Variants in PARD6G observed in about 807,000 individuals in gnomAD.
The protein encoded by PARD6G is partitioning defective 6 homolog gamma.
Under a neutral mutation model 10.7 loss-of-function variants are expected in PARD6G, and 7 were observed. The ratio of observed to expected loss-of-function variants is 0.66; its 90% confidence interval spans 0.37 to 1.23. PARD6G has a LOEUF of 1.23. Ranked by LOEUF, PARD6G falls within the 50% of genes most tolerant of loss-of-function variation. The pLI is 0.02. For synonymous variants in PARD6G, 287 were observed against 269.4 expected (o/e 1.07, Z -0.64); for missense variants, 548 against 571.8 (o/e 0.96, Z 0.42).
intron 1 of PARD6G, among the ~76,000 whole-genome samples, chr18:80,236,614 G>A (rs1000117690): frequency 2.0e-5 from 3 of 152,286 alleles, no homozygotes; most frequent in Non-Finnish European, 4.4e-5. Flanking sequence ...CATCGTCTCA[G>A]CCCAAAATCT....
intron 2 of PARD6G, among the ~76,000 whole-genome samples, chr18:80,172,670 C>T (rs34999032): frequency 0.21 from 31,885 of 152,142 alleles, 4,450 homozygotes; most frequent in African/African-American, 0.4. Flanking sequence ...CAGACATGCA[C>T]CACCATGCCC....
At chr18:80,211,813 T>A (rs1002616459) in intron 1 of PARD6G, among the ~76,000 whole-genome samples, 4 of 152,136 alleles carry the variant, frequency 2.6e-5, no homozygotes, top group African/African-American at 9.7e-5. Context: ...AGAAGGACAA[T>A]ACTGTATGAT....
At position 80,201,236 on chromosome 18, in the gene PARD6G, C is replaced by T. The variant is rs1568435876; in HGVS notation, c.295+1474G>A. On this transcript the variant is annotated intron_variant, in intron 2 of 2. Coordinates refer to ENST00000353265, the MANE Select transcript of PARD6G (RefSeq NM_032510.4). The surrounding 1 kb of genome is among the most constrained non-coding windows in gnomAD (Gnocchi z 5.9). ...ATCAAGCAGCTGAGACCAGGCCTTC[C>T]TGAGAAGGCAGCCTGTGAACAGATA... Among the ~76,000 whole-genome samples the T allele has an allele frequency of 6.6e-6, 1 of 152,146 alleles. No homozygotes were observed. Among genetic ancestry groups the T allele is most frequent in the Non-Finnish European group, 1.5e-5 (1 of 68,032 alleles).
chr18:80,177,245 C>CACACACAG (rs1260461659), intron 2 of PARD6G, among the ~76,000 whole-genome samples: 2 of 147,926 alleles, frequency 1.4e-5, no homozygotes, highest in African/African-American at 5.0e-5. Flanking sequence ...CACACACACA[C>CACACACAG]AGTACAAATC....
intron 2 of PARD6G, 102 bp downstream of exon 2, chr18:80,202,608 G>A (rs1967017651): frequency 2.0e-6 from 2 of 979,054 alleles, no homozygotes; most frequent in African/African-American, 3.3e-5. Flanking sequence ...CTACAGGTTA[G>A]AAAACGAACC....
chr18:80,186,185 T>TGCACCCTCACAC (rs2052875860), intron 2 of PARD6G, among the ~76,000 whole-genome samples: 1 of 101,580 alleles, frequency 9.8e-6, no homozygotes, highest in Non-Finnish European at 2.0e-5. Context: ...CACCCACACA[T>TGCACCCTCACAC]GCACCCTCAC....
chr18:80,159,635 A>C lies in PARD6G; in HGVS notation c.*136T>G. On this transcript the variant is annotated 3_prime_UTR_variant, in exon 3 of 3. Coordinates refer to ENST00000353265, the MANE Select transcript of PARD6G (RefSeq NM_032510.4). Reference sequence around the variant, plus strand: ...AAATAGGCAATACTTGTGTTTTTATATCCGGAAGTTGAAACAAAGAGCAGC... The same window carrying C: ...AAATAGGCAATACTTGTGTTTTTATCTCCGGAAGTTGAAACAAAGAGCAGC... The C allele has an allele frequency of 1.4e-4, 161 of 1,172,820 alleles. No homozygotes were observed. The highest frequency in any genetic ancestry group is 2.1e-4 in the Middle Eastern group (1 of 4,832). The allele number at this position is 1,172,820 out of a possible 1,614,324, so 72.7% of individuals were successfully genotyped here. A position where few individuals can be genotyped will look rare whatever the true frequency, so the allele number is the denominator to read the frequency against.
Position 80,184,833 on chromosome 18 carries a change from T to C in PARD6G, c.295+17877A>G, listed in dbSNP as rs1465505073. 6 of 152,162 alleles carry C rather than the reference T, an allele frequency of 3.9e-5. No homozygotes were observed. The South Asian group carries it at 6.2e-4, about 16-fold the overall frequency. 9.4% of individuals were successfully genotyped at this position (152,162 alleles called of 1,614,324 possible). On this transcript the variant is annotated intron_variant, in intron 2 of 2. Coordinates refer to ENST00000353265, the MANE Select transcript of PARD6G (RefSeq NM_032510.4). The surrounding 1 kb of genome is among the most constrained non-coding windows in gnomAD (Gnocchi z 4.5). ...CTACTTAACAGGCAGAGACTTGTTT[T>C]TGGGGTGGTGAAAATGTTCTAAACT...
In PARD6G at chr18:80,226,151, GTTTTTTTT is replaced by G. The variant is rs10606939; in HGVS notation, c.72+21118_72+21125del. Among the ~76,000 whole-genome samples, 52 of 76,568 alleles carry G rather than the reference GTTTTTTTT, an allele frequency of 6.8e-4. 5 individuals are homozygous for G. The highest frequency in any genetic ancestry group is 2.3e-3 in the African/African-American group (43 of 18,526). The allele number at this position is 76,568 out of a possible 152,430, so 50.2% of individuals were successfully genotyped here. A position where few individuals can be genotyped will look rare whatever the true frequency, so the allele number is the denominator to read the frequency against. ...TCCCCACAGGTAACCAATGACTTCA[GTTTTTTTT>G]TTTTTTTTTTTTTTTTTTTTTTTTT... On this transcript the variant is annotated intron_variant, in intron 1 of 2. Coordinates refer to ENST00000353265, the MANE Select transcript of PARD6G (RefSeq NM_032510.4).
intron 1 of PARD6G, among the ~76,000 whole-genome samples, chr18:80,242,438 T>A (rs968752301): frequency 6.6e-6 from 1 of 152,202 alleles, no homozygotes; most frequent in Non-Finnish European, 1.5e-5. Context: ...TGCAGCACCA[T>A]GGCAGCCAAC....
intron 1 of PARD6G, among the ~76,000 whole-genome samples, chr18:80,227,953 C>T (rs888476639): frequency 1.3e-5 from 2 of 152,250 alleles, no homozygotes; most frequent in Non-Finnish European, 2.9e-5. Flanking sequence ...CTTGCGTGGC[C>T]GTGTCTCAAT....
chr18:80,199,013 C>A (rs773734450), intron 2 of PARD6G, among the ~76,000 whole-genome samples: 16 of 152,196 alleles, frequency 1.1e-4, no homozygotes, highest in South Asian at 4.1e-4. Context: ...CCCCTCCCTC[C>A]CAATTCTCCC....
At chr18:80,191,312 A>G (rs1204576784) in intron 2 of PARD6G, among the ~76,000 whole-genome samples, 9 of 152,182 alleles carry the variant, frequency 5.9e-5, no homozygotes, top group Non-Finnish European at 1.2e-4. Flanking sequence ...GCCACAGCCC[A>G]GGCCTGGCAG....
chr18:80,180,603 T>C lies in PARD6G; in HGVS notation c.296-19997A>G, dbSNP rs1473537573. On this transcript the variant is annotated intron_variant, in intron 2 of 2. Transcript: ENST00000353265. The surrounding 1 kb of genome is among the most constrained non-coding windows in gnomAD (Gnocchi z 5.6). ...TCACATTCTCAAGCTTAACTGTCTC[T>C]ATGGCACCGCAAATGGCAGGGCTGC... 6.6e-6 allele frequency among the ~76,000 whole-genome samples: 1 copy of C among 152,118 alleles called. No homozygotes were observed. The highest frequency in any genetic ancestry group is 2.4e-5 in the African/African-American group (1 of 41,404).
In PARD6G at chr18:80,161,224, C is replaced by T. The variant is rs2052699024; in HGVS notation, c.296-618G>A. On this transcript the variant is annotated intron_variant, in intron 2 of 2. Transcript: ENST00000353265. This position sits in a 1 kb window ranked among gnomAD's most constrained non-coding sequence, Gnocchi z 4.6. ...AGGAAGGAGTGGGATCAGAGGATGG[C>T]TGCTTCCCTTCTGTGAGGTCCCGCA... 6.6e-6 allele frequency among the ~76,000 whole-genome samples: 1 copy of T among 152,042 alleles called. No homozygotes were observed. Among genetic ancestry groups the T allele is most frequent in the African/African-American group, 2.4e-5 (1 of 41,378 alleles).
At chr18:80,244,171 C>T (rs116260140) in intron 1 of PARD6G, among the ~76,000 whole-genome samples, 3,058 of 152,246 alleles carry the variant, frequency 0.02, 38 homozygotes, top group Middle Eastern at 0.048. Flanking sequence ...CTCTCCTCCA[C>T]GTGAAACACC....
rs557782858 is a variant in PARD6G, at chr18:80,166,076, C to T, written c.296-5470G>A. Among the ~76,000 whole-genome samples the T allele has an allele frequency of 2.0e-5, 3 of 151,534 alleles. No homozygotes were observed. The East Asian group carries it at 5.8e-4, about 29-fold the overall frequency. On this transcript the variant is annotated intron_variant, in intron 2 of 2. Transcript: ENST00000353265. ...CTGGGCAAGAAGAGCAAAACTCCATCTCAAAAAAAAAAATTATCATTTCCG... is the reference window on the plus strand; with the variant it reads ...CTGGGCAAGAAGAGCAAAACTCCATTTCAAAAAAAAAAATTATCATTTCCG...
chr18:80,168,084 G>A (rs1195262857), intron 2 of PARD6G, among the ~76,000 whole-genome samples: 1 of 152,148 alleles, frequency 6.6e-6, no homozygotes, highest in Admixed American at 6.5e-5. Flanking sequence ...GCCGGCCGTG[G>A]TCTGCACCCT....
At chr18:80,173,368 T>C (rs8094066) in intron 2 of PARD6G, among the ~76,000 whole-genome samples, 33,917 of 152,114 alleles carry the variant, frequency 0.22, 5,255 homozygotes, top group African/African-American at 0.44. Flanking sequence ...CTCACGTCTG[T>C]AATCCCAGAA....
Sources: gnomAD v4.1 joint callset for allele counts (sites outside exome capture counted in the v4.1 genomes callset) on GRCh38, gnomAD v4.1.1 for gene constraint, Gnocchi (gnomAD v3.1) non-coding constraint, MANE v1.5 for transcripts, NCBI Gene and HGNC (gene_info 2026-07-23, HGNC 2026-07-21) for gene names.